IL7: variants seen among roughly 807,000 people sequenced by gnomAD.
The protein encoded by IL7 is interleukin-7.
A neutral mutation model predicts 21.6 loss-of-function variants in IL7; 3 were observed. That is an observed-to-expected ratio of 0.14 (90% CI 0.06 to 0.36). The LOEUF (loss-of-function observed/expected upper bound fraction) is 0.36, where lower values mean the gene tolerates loss of function less well. IL7 is among the 10% of genes least tolerant of loss of function. The pLI is 1.00. For missense variants in IL7, 175 were observed against 200.2 expected, an observed-to-expected ratio of 0.87 and a Z score of 0.76; for synonymous variants, 62 against 68.1, an observed-to-expected ratio of 0.91 and a Z score of 0.44.
At chr8:78,779,234 C>A (rs895813281) in intron 2 of IL7, among the ~76,000 whole-genome samples, 3 of 152,120 alleles carry the variant, frequency 2.0e-5, no homozygotes, top group African/African-American at 7.2e-5. Flanking sequence ...TTATTTGTTT[C>A]TTTTGCCTGA....
chr8:78,694,394 C>T (rs1265479200), intron 3 of IL7, among the ~76,000 whole-genome samples: 1 of 151,778 alleles, frequency 6.6e-6, no homozygotes, highest in Admixed American at 6.6e-5. Flanking sequence ...TCATTCATGC[C>T]TTCTTCCAGA....
chr8:78,736,592 T>C (rs967706849), intron 4 of IL7, 65 bp from the exon 5 acceptor site: 22 of 1,012,202 alleles, frequency 2.2e-5, no homozygotes, highest in African/African-American at 4.8e-5. Flanking sequence ...TTGTTTGTAA[T>C]TGCTAATTTT....
intron 2 of IL7, among the ~76,000 whole-genome samples, chr8:78,758,531 G>A (rs1812432515): frequency 6.6e-6 from 1 of 151,900 alleles, no homozygotes; most frequent in African/African-American, 2.4e-5. Context: ...TTATTGTATG[G>A]TTGATCTAGT....
chr8:78,789,443 T>A (rs1217025169), intron 2 of IL7, among the ~76,000 whole-genome samples: 1 of 152,226 alleles, frequency 6.6e-6, no homozygotes, highest in Non-Finnish European at 1.5e-5. Flanking sequence ...CACATATTTT[T>A]GAAGCAATAT....
chr8:78,687,157 T>C (rs922314297), intron 3 of IL7, among the ~76,000 whole-genome samples: 4 of 152,092 alleles, frequency 2.6e-5, no homozygotes, highest in African/African-American at 9.7e-5. Context: ...TGCAACCTTG[T>C]ATGAGATACT....
At chr8:78,740,518 A>C (rs1327597174) in intron 2 of IL7, among the ~76,000 whole-genome samples, 2 of 152,242 alleles carry the variant, frequency 1.3e-5, no homozygotes, top group Non-Finnish European at 1.5e-5. Flanking sequence ...ATCCATACAA[A>C]GCTCAACACA....
chr8:78,722,422 A>C (rs567502848), intron 3 of IL7, among the ~76,000 whole-genome samples: 1 of 151,938 alleles, frequency 6.6e-6, no homozygotes, highest in Non-Finnish European at 1.5e-5. Flanking sequence ...TTTGCTTTCA[A>C]TAAGAATTTA....
At chr8:78,717,273 G>A, downstream of IL7, 1 of 1,507,880 alleles carries the variant, frequency 6.6e-7, no homozygotes, top group Non-Finnish European at 9.0e-7. Context: ...CAGGGTTATG[G>A]GTTGAAAACT....
At chr8:78,769,956 T>C (rs1241095206) in intron 2 of IL7, among the ~76,000 whole-genome samples, 1 of 152,138 alleles carries the variant, frequency 6.6e-6, no homozygotes, top group African/African-American at 2.4e-5. Flanking sequence ...ATTTAATAAA[T>C]GGTGCTGGGA....
intron 3 of IL7, chr8:78,698,382 T>C: frequency 6.5e-7 from 1 of 1,542,012 alleles, no homozygotes; most frequent in Non-Finnish European, 8.9e-7. Context: ...TTTTTTAGAG[T>C]ATTGTTAAAA....
At chr8:78,720,992 G>A (rs2130631381) in intron 5 of IL7, 1 of 151,842 alleles carries the variant, frequency 6.6e-6, no homozygotes, top group Non-Finnish European at 1.5e-5. Flanking sequence ...CTACTGTAAG[G>A]TGCACAAAGC....
chr8:78,721,587 C>G (rs917869947), intron 3 of IL7: 11 of 151,986 alleles, frequency 7.2e-5, no homozygotes, highest in Non-Finnish European at 1.6e-4. Flanking sequence ...GGATAGGAGA[C>G]GGCCAGTAGT....
chr8:78,789,687 C>T (rs1454235921), intron 2 of IL7, among the ~76,000 whole-genome samples: 1 of 151,888 alleles, frequency 6.6e-6, no homozygotes, highest in Non-Finnish European at 1.5e-5. Flanking sequence ...GAAGTGGTCC[C>T]GGTGAGATCT....
chr8:78,700,430 A>G (rs998824210), intron 3 of IL7, among the ~76,000 whole-genome samples: 3 of 152,058 alleles, frequency 2.0e-5, no homozygotes, highest in Non-Finnish European at 4.4e-5. Flanking sequence ...CATAATTTGC[A>G]AATATTTGCT....
chr8:78,804,248 A>G (rs192458290), intron 1 of IL7, among the ~76,000 whole-genome samples: 65 of 152,250 alleles, frequency 4.3e-4, no homozygotes, highest in African/African-American at 1.5e-3. Context: ...GCCTCCATCA[A>G]GAAGCGCCCG....
chr8:78,717,626 T>C (rs1020434301), downstream of IL7: 2 of 1,021,960 alleles, frequency 2.0e-6, no homozygotes, highest in South Asian at 1.8e-5. Flanking sequence ...TTTTGAAGTG[T>C]AATCTTTTGG....
intron 2 of IL7, among the ~76,000 whole-genome samples, chr8:78,771,308 C>A (rs999465828): frequency 6.6e-6 from 1 of 152,094 alleles, no homozygotes; most frequent in Admixed American, 6.5e-5. Context: ...GACTTAGATA[C>A]TAAGTAAATA....
At chr8:78,708,540 T>G (rs1209239275) in intron 3 of IL7, among the ~76,000 whole-genome samples, 1 of 151,400 alleles carries the variant, frequency 6.6e-6, no homozygotes, top group Non-Finnish European at 1.5e-5. Flanking sequence ...AAAAACAACC[T>G]TTTTAAACCT....
At chr8:78,725,649 C>A (rs574275610) in intron 3 of IL7, among the ~76,000 whole-genome samples, 5 of 152,084 alleles carry the variant, frequency 3.3e-5, no homozygotes, top group Admixed American at 2.6e-4. Context: ...TCATATTTTA[C>A]AGGAAAGAAT....
Sources: allele counts gnomAD v4.1 joint callset (sites outside exome capture counted in the v4.1 genomes callset), GRCh38; gene constraint gnomAD v4.1.1; transcripts MANE v1.5; gene names NCBI Gene and HGNC (gene_info 2026-07-23, HGNC 2026-07-21).